The following ZMAT4 variants were observed in gnomAD, a reference collection of about 807,000 sequenced individuals.
The protein encoded by ZMAT4 is zinc finger matrin-type 4, also known as zinc finger matrin-type protein 4.
In ZMAT4, 17 loss-of-function variants were observed where a neutral mutation model predicts 28.7. The ratio of observed to expected loss-of-function variants is 0.59; its 90% confidence interval spans 0.41 to 0.89. The LOEUF (loss-of-function observed/expected upper bound fraction) is 0.89, where lower values mean the gene tolerates loss of function less well. Ranked by LOEUF, ZMAT4 falls within the 40% of genes least tolerant of loss-of-function variation. The probability of loss-of-function intolerance (pLI) is 0.00; values close to 1 mark genes in which losing one functional copy is unlikely to be tolerated. For synonymous variants in ZMAT4, 117 were observed against 109.2 expected (o/e 1.07, Z -0.44); for missense variants, 240 against 283.8 (o/e 0.85, Z 1.11).
At chr8:40,715,111 G>C (rs1391448096) in intron 3 of ZMAT4, among the ~76,000 whole-genome samples, 2 of 151,280 alleles carry the variant, frequency 1.3e-5, no homozygotes, top group African/African-American at 4.9e-5. Context: ...CTATGGAAGG[G>C]ACTTTTGAAT....
chr8:40,815,833 C>T (rs1274081173), intron 2 of ZMAT4, among the ~76,000 whole-genome samples: 1 of 152,188 alleles, frequency 6.6e-6, no homozygotes, highest in Non-Finnish European at 1.5e-5. Context: ...TTTAGACAAA[C>T]AGCACATTGT....
intron 1 of ZMAT4, among the ~76,000 whole-genome samples, chr8:40,891,323 T>C (rs570865904): frequency 3.7e-5 from 4 of 108,516 alleles, no homozygotes; most frequent in African/African-American, 1.5e-4. Context: ...TTGTGAGTGG[T>C]AAGGACACAT....
At chr8:40,691,948 T>C (rs552280218) in intron 4 of ZMAT4, among the ~76,000 whole-genome samples, 6 of 152,280 alleles carry the variant, frequency 3.9e-5, no homozygotes, top group African/African-American at 1.4e-4. Context: ...ATCAAGCAAG[T>C]GGACAGGGAT....
At chr8:40,594,524 T>C (rs2118591086) in intron 5 of ZMAT4, among the ~76,000 whole-genome samples, 1 of 152,308 alleles carries the variant, frequency 6.6e-6, no homozygotes, top group South Asian at 2.1e-4. Flanking sequence ...TGTGTCTCTG[T>C]TTCCTAAAAT....
intron 3 of ZMAT4, among the ~76,000 whole-genome samples, chr8:40,714,237 A>G (rs999360539): frequency 6.6e-6 from 1 of 152,182 alleles, no homozygotes; most frequent in Non-Finnish European, 1.5e-5. Context: ...ATTTCTGGAA[A>G]TTTATTCTAG....
chr8:40,748,752 T>A (rs1178024134), intron 3 of ZMAT4, among the ~76,000 whole-genome samples: 1 of 152,148 alleles, frequency 6.6e-6, no homozygotes, highest in Non-Finnish European at 1.5e-5. Flanking sequence ...TATTTTTTTT[T>A]AAGAAATGCA....
chr8:40,540,646 C>A (rs1428105271), intron 6 of ZMAT4, among the ~76,000 whole-genome samples: 1 of 152,124 alleles, frequency 6.6e-6, no homozygotes, highest in African/African-American at 2.4e-5. Context: ...AAATTTGTAG[C>A]CAATTGGTCA....
At chr8:40,738,301 A>C (rs1179961686) in intron 3 of ZMAT4, among the ~76,000 whole-genome samples, 2 of 152,158 alleles carry the variant, frequency 1.3e-5, no homozygotes, top group Non-Finnish European at 1.5e-5. Context: ...TTTGTTTGGG[A>C]AGCTGGAGAC....
intron 1 of ZMAT4, among the ~76,000 whole-genome samples, chr8:40,858,444 A>C (rs1352086204): frequency 6.6e-6 from 1 of 152,214 alleles, no homozygotes; most frequent in Non-Finnish European, 1.5e-5. Flanking sequence ...ATCTGGTGGT[A>C]ATTTTCCTCT....
intron 5 of ZMAT4, among the ~76,000 whole-genome samples, chr8:40,602,217 T>C (rs1031384): frequency 0.78 from 118,222 of 152,158 alleles, 46,077 homozygotes; most frequent in East Asian, 0.97. Flanking sequence ...GGCTGAGTAG[T>C]ATTATGTGTG....
chr8:40,848,285 C>A (rs1305762132), intron 1 of ZMAT4, among the ~76,000 whole-genome samples: 1 of 152,180 alleles, frequency 6.6e-6, no homozygotes, highest in African/African-American at 2.4e-5. Flanking sequence ...CATCTGCCCT[C>A]GATGTGGAAG....
chr8:40,803,448 C>T (rs1442493128), intron 2 of ZMAT4, among the ~76,000 whole-genome samples: 1 of 152,152 alleles, frequency 6.6e-6, no homozygotes, highest in Non-Finnish European at 1.5e-5. Flanking sequence ...AGAGACACCT[C>T]ACCAAAGAAG....
chr8:40,797,756 T>A (rs886382845), intron 2 of ZMAT4, among the ~76,000 whole-genome samples: 1 of 152,154 alleles, frequency 6.6e-6, no homozygotes, highest in African/African-American at 2.4e-5. Flanking sequence ...TTGCCACCAG[T>A]AAGCTTATCA....
At chr8:40,620,919 T>A (rs558307129) in intron 5 of ZMAT4, among the ~76,000 whole-genome samples, 55 of 152,346 alleles carry the variant, frequency 3.6e-4, no homozygotes, top group African/African-American at 1.3e-3. Context: ...TGATTATATA[T>A]CCCCTACTGC....
At position 40,740,996 on chromosome 8, in the gene ZMAT4, A is replaced by G. The variant is rs4383951; in HGVS notation, c.192+26645T>C. Among the ~76,000 whole-genome samples the G allele has an allele frequency of 5.0e-3, 481 of 97,126 alleles. 1 individual carries two copies. Among genetic ancestry groups the G allele is most frequent in the African/African-American group, 0.017 (375 of 22,064 alleles). The allele number at this position is 97,126 out of a possible 152,430, so 63.7% of individuals were successfully genotyped here. A position where few individuals can be genotyped will look rare whatever the true frequency, so the allele number is the denominator to read the frequency against. Reference sequence around the variant, plus strand: ...GCACTAACCTTTGATAAATGCGCACACACACACACACACACACACACACAC... The same window carrying G: ...GCACTAACCTTTGATAAATGCGCACGCACACACACACACACACACACACAC... On this transcript the variant is annotated intron_variant, in intron 3 of 6. Transcript: ENST00000297737.
chr8:40,869,229 CT>C (rs1425306633), intron 1 of ZMAT4, among the ~76,000 whole-genome samples: 3 of 152,202 alleles, frequency 2.0e-5, no homozygotes, highest in African/African-American at 7.2e-5. Context: ...AGAAACTCTA[CT>C]TATCTTATGA....
intron 4 of ZMAT4, among the ~76,000 whole-genome samples, chr8:40,690,405 G>C (rs1177587607): frequency 1.3e-5 from 2 of 152,164 alleles, no homozygotes; most frequent in Non-Finnish European, 2.9e-5. Context: ...TATGAGCTTA[G>C]AAAAGCCAAA....
intron 4 of ZMAT4, among the ~76,000 whole-genome samples, chr8:40,679,543 G>T (rs920662446): frequency 6.6e-6 from 1 of 152,098 alleles, no homozygotes; most frequent in Non-Finnish European, 1.5e-5. Context: ...AGCAAAGGAC[G>T]GGAAGGCCCC....
chr8:40,700,033 T>C (rs1311603440), intron 3 of ZMAT4, among the ~76,000 whole-genome samples: 1 of 152,164 alleles, frequency 6.6e-6, no homozygotes, highest in Admixed American at 6.5e-5. Flanking sequence ...CCTTAATGAA[T>C]GAAAAATGGA....
Sources: gnomAD v4.1 joint callset for allele counts (sites outside exome capture counted in the v4.1 genomes callset) on GRCh38, gnomAD v4.1.1 for gene constraint, MANE v1.5 for transcripts, NCBI Gene and HGNC (gene_info 2026-07-23, HGNC 2026-07-21) for gene names.